Variants in EDA observed in about 807,000 individuals in gnomAD.
EDA encodes ectodysplasin-A.
Under a neutral mutation model 23.6 loss-of-function variants are expected in EDA, and 2 were observed. The observed-to-expected ratio is 0.08, with a 90% CI of 0.03 to 0.27. The LOEUF is 0.27. Among genes scored for constraint, EDA ranks in the 10% least tolerant of loss-of-function variants. The pLI is 1.00. For synonymous variants in EDA, 131 were observed against 132.0 expected, an observed-to-expected ratio of 0.99 and a Z score of 0.05; for missense variants, 229 against 324.2, an observed-to-expected ratio of 0.71 and a Z score of 2.26.
chrX:69,888,978 TTATATATATATATATATA>T (rs935436674), intron 1 of EDA, among the ~76,000 whole-genome samples: 381 of 16,019 alleles, frequency 0.024, 34 homozygotes, highest in African/African-American at 0.044. Flanking sequence ...TGTGGGGTAG[TTATATATATATATATATA>T]TATATATATA....
rs746052673 is a variant in EDA at position 69,787,349 on chromosome X, T to G, written c.397-169678T>G. ...TCCTGTCATTATGATGTTAGCTGGTTATTTTGCTCGTTAGTTGATGCAGTT... is the reference window on the plus strand; with the variant it reads ...TCCTGTCATTATGATGTTAGCTGGTGATTTTGCTCGTTAGTTGATGCAGTT... On this transcript the variant is annotated intron_variant, in intron 1 of 7. Transcript: ENST00000374552. Among the ~76,000 whole-genome samples the G allele has an allele frequency of 3.5e-4, 36 of 103,337 alleles. 1 individual carries two copies. In the South Asian group the frequency reaches 7.5e-3, roughly 22 times the overall value. The allele number at this position is 103,337 out of a possible 115,157, so 89.7% of individuals were successfully genotyped here.
rs370406516 is a variant in EDA at position 70,033,536 on chromosome X, C to T, written c.924+8C>T. ...ATCTATAGTCAGGTAGAAGTGAGTA[C>T]GGTCTTAGGCCTAACTCTTCTTATA... On this transcript the variant is annotated splice_region_variant and intron_variant, in intron 7 of 7. Coordinates refer to ENST00000374552, the MANE Select transcript of EDA (RefSeq NM_001399.5). 5 of 1,207,573 alleles carry T rather than the reference C, an allele frequency of 4.1e-6. No individual in the cohort carries two copies. The highest frequency in any genetic ancestry group is 2.3e-4 in the Middle Eastern group (1 of 4,327).
At chrX:70,001,090 A>G (rs1427881428) in intron 2 of EDA, among the ~76,000 whole-genome samples, 6 of 111,971 alleles carry the variant, frequency 5.4e-5, no homozygotes, top group Non-Finnish European at 1.1e-4. Flanking sequence ...GAATCCAGGT[A>G]GTATACCCTT....
chrX:69,669,073 A>G (rs1439007593), intron 1 of EDA, among the ~76,000 whole-genome samples: 1 of 112,111 alleles, frequency 8.9e-6, no homozygotes, highest in Non-Finnish European at 1.9e-5. Context: ...TTTGTCAGAT[A>G]TAAAGATATA....
At chrX:69,641,260 C>T (rs1398204971) in intron 1 of EDA, among the ~76,000 whole-genome samples, 1 of 111,792 alleles carries the variant, frequency 8.9e-6, no homozygotes, top group Non-Finnish European at 1.9e-5. Context: ...AATTATATGC[C>T]TGTGCATTTT....
intron 1 of EDA, among the ~76,000 whole-genome samples, chrX:69,865,698 C>T (rs1158615487): frequency 9.0e-6 from 1 of 111,492 alleles, no homozygotes; most frequent in East Asian, 2.8e-4. Context: ...CACAAGTCCA[C>T]CCCTTGTCAA....
At chrX:69,676,678 C>A (rs1198657923) in intron 1 of EDA, among the ~76,000 whole-genome samples, 1 of 111,059 alleles carries the variant, frequency 9.0e-6, no homozygotes, top group Non-Finnish European at 1.9e-5. Context: ...TCTTCTCACT[C>A]CAGTTCACCC....
chrX:69,721,973 T>TA (rs1252861102), intron 1 of EDA, among the ~76,000 whole-genome samples: 3 of 111,100 alleles, frequency 2.7e-5, no homozygotes, highest in South Asian at 3.9e-4. Context: ...ACTTTCTTTT[T>TA]AAAAAAAATC....
At chrX:69,762,626 T>C (rs978597791) in intron 1 of EDA, among the ~76,000 whole-genome samples, 2 of 111,853 alleles carry the variant, frequency 1.8e-5, no homozygotes, top group African/African-American at 3.3e-5. Context: ...GAAGCAGTGT[T>C]TTTTTTACAA....
chrX:69,972,751 T>A (rs143819534), intron 2 of EDA, among the ~76,000 whole-genome samples: 1 of 111,732 alleles, frequency 8.9e-6, no homozygotes, highest in African/African-American at 3.3e-5. Flanking sequence ...GAAAAACCAA[T>A]TTTTAAAATG....
At chrX:70,027,560 C>A (rs1321685673) in intron 3 of EDA, among the ~76,000 whole-genome samples, 1 of 111,767 alleles carries the variant, frequency 8.9e-6, no homozygotes, top group East Asian at 2.8e-4. Flanking sequence ...CGGTGGCTCA[C>A]GCCTGTAATC....
In EDA at chrX:69,616,447, T is replaced by A; in HGVS notation, c.139T>A (p.Phe47Ile). 8.3e-7 allele frequency: 1 copy of A among 1,211,951 alleles called. No individual in the cohort carries two copies. Among genetic ancestry groups the A allele is most frequent in the African/African-American group, 1.7e-5 (1 of 57,947 alleles). The change falls in exon 1 of 8, where the codon TTT becomes ATT. Residue 47 changes from phenylalanine to isoleucine, a missense_variant. Around this residue, in one of 2 missense-constraint regions of EDA, gnomAD observed 54 missense variants for 42.4 expected, o/e 1.27. Transcript: ENST00000374552. ...CAGCTGCCTGCTCTTCCTGGGTTTC[T>A]TTGGCCTCTCGCTGGCCCTCCACCT... Reference protein sequence around the residue: ...GNSCLLFLGFFGLSLALHLLT... With the variant: ...GNSCLLFLGFIGLSLALHLLT...
At chrX:69,981,269 G>A (rs1048048621) in intron 2 of EDA, among the ~76,000 whole-genome samples, 1 of 111,252 alleles carries the variant, frequency 9.0e-6, no homozygotes, top group Non-Finnish European at 1.9e-5. Context: ...GAAAGTTTGA[G>A]TACTATTTCT....
chrX:69,966,346 G>A (rs928310452), intron 2 of EDA, among the ~76,000 whole-genome samples: 13 of 111,225 alleles, frequency 1.2e-4, no homozygotes, highest in African/African-American at 3.3e-4. Flanking sequence ...TTGGGAGGCC[G>A]AGGCAGGTGG....
intron 2 of EDA, among the ~76,000 whole-genome samples, chrX:69,999,573 G>C (rs751469123): frequency 9.8e-6 from 1 of 102,289 alleles, no homozygotes; most frequent in East Asian, 3.1e-4. Context: ...CTGAGATGGC[G>C]CCATTGCACT....
chrX:69,921,260 T>C (rs2018427840), intron 1 of EDA, among the ~76,000 whole-genome samples: 2 of 111,471 alleles, frequency 1.8e-5, no homozygotes, highest in African/African-American at 6.5e-5. Flanking sequence ...TATTGGGTAT[T>C]ACAAAACAAG....
At chrX:69,895,343 T>A (rs1037950227) in intron 1 of EDA, among the ~76,000 whole-genome samples, 1 of 107,074 alleles carries the variant, frequency 9.3e-6, no homozygotes, top group Non-Finnish European at 1.9e-5. Flanking sequence ...ATTTGTACGA[T>A]GCCATCCATC....
At chrX:69,883,816 G>A (rs756105616) in intron 1 of EDA, among the ~76,000 whole-genome samples, 1 of 111,504 alleles carries the variant, frequency 9.0e-6, no homozygotes, top group Non-Finnish European at 1.9e-5. Context: ...TTTTTAGGGG[G>A]CCAGGTGTGG....
At chrX:69,703,561 T>C (rs989183400) in intron 1 of EDA, among the ~76,000 whole-genome samples, 8 of 112,437 alleles carry the variant, frequency 7.1e-5, no homozygotes, top group African/African-American at 2.6e-4. Flanking sequence ...AGGCCTAAAA[T>C]GGCGTCAGCA....
Sources: gnomAD v4.1 joint callset for allele counts (sites outside exome capture counted in the v4.1 genomes callset) on GRCh38, gnomAD v4.1.1 for gene constraint, gnomAD v4.1.1 regional missense constraint, MANE v1.5 for transcripts, NCBI Gene and HGNC (gene_info 2026-07-23, HGNC 2026-07-21) for gene names.